FMNL2: variants seen among roughly 807,000 people sequenced by gnomAD.
FMNL2 encodes formin like 2, also known as formin-like protein 2.
Under a neutral mutation model 130.2 loss-of-function variants are expected in FMNL2, and 51 were observed. That is an observed-to-expected ratio of 0.39 (90% confidence interval 0.31 to 0.49). The LOEUF (loss-of-function observed/expected upper bound fraction) is 0.49, where lower values mean the gene tolerates loss of function less well. Among genes scored for constraint, FMNL2 ranks in the 20% least tolerant of loss-of-function variants. FMNL2 has a pLI of 0.85. For synonymous variants in FMNL2, 465 were observed against 467.1 expected (o/e 1.00, Z 0.06); for missense variants, 977 against 1,316.2 (o/e 0.74, Z 3.99).
chr2:152,584,653 CT>C (rs1299173868), intron 9 of FMNL2, among the ~76,000 whole-genome samples: 8 of 152,194 alleles, frequency 5.3e-5, no homozygotes, highest in Admixed American at 5.2e-4. Flanking sequence ...ATTTTTCCCC[CT>C]CTACCTCTTG....
chr2:152,464,474 C>A (rs974295607), intron 1 of FMNL2, among the ~76,000 whole-genome samples: 5 of 152,174 alleles, frequency 3.3e-5, no homozygotes, highest in African/African-American at 7.2e-5. Context: ...AATGTACCCC[C>A]CTGATGGACT....
intron 1 of FMNL2, among the ~76,000 whole-genome samples, chr2:152,387,729 C>CT (rs1264234235): frequency 6.6e-6 from 1 of 151,986 alleles, no homozygotes; most frequent in Admixed American, 6.6e-5. Context: ...TGATAGCTGA[C>CT]TGCAGCCTCA....
chr2:152,622,806 G>A (rs1202448912), intron 15 of FMNL2, among the ~76,000 whole-genome samples: 3 of 143,364 alleles, frequency 2.1e-5, no homozygotes, highest in Non-Finnish European at 3.0e-5. Flanking sequence ...TTTCCTCTGA[G>A]AAAAGGTTTT....
At chr2:152,371,195 TAACAC>T (rs1244984678) in intron 1 of FMNL2, among the ~76,000 whole-genome samples, 1 of 152,208 alleles carries the variant, frequency 6.6e-6, no homozygotes, top group Non-Finnish European at 1.5e-5. Flanking sequence ...ATTCTGCTGA[TAACAC>T]AAGTCAGCCC....
intron 13 of FMNL2, 111 bp downstream of exon 13, chr2:152,617,303 A>T: frequency 1.1e-6 from 1 of 949,882 alleles, no homozygotes; most frequent in East Asian, 2.5e-5. Flanking sequence ...TTGATGCAGC[A>T]TATTTATTGG....
At chr2:152,586,565 A>G (rs1313825118) in intron 9 of FMNL2, among the ~76,000 whole-genome samples, 1 of 152,168 alleles carries the variant, frequency 6.6e-6, no homozygotes, top group Non-Finnish European at 1.5e-5. Context: ...ATAACTTCCT[A>G]AGTGGTAAAG....
chr2:152,404,826 T>C (rs962848761), intron 1 of FMNL2, among the ~76,000 whole-genome samples: 3 of 152,154 alleles, frequency 2.0e-5, no homozygotes, highest in Admixed American at 2.0e-4. Flanking sequence ...TGGTCACATG[T>C]GGCATTTTCT....
chr2:152,477,728 G>A (rs1690234761), intron 1 of FMNL2, among the ~76,000 whole-genome samples: 1 of 152,132 alleles, frequency 6.6e-6, no homozygotes, highest in East Asian at 1.9e-4. Context: ...AGCGGGAGAT[G>A]GACATTGAGT....
At chr2:152,374,113 C>T (rs534268847) in intron 1 of FMNL2, among the ~76,000 whole-genome samples, 1 of 152,228 alleles carries the variant, frequency 6.6e-6, no homozygotes, top group Non-Finnish European at 1.5e-5. Context: ...TAGGAAACAT[C>T]TCAGTTATGT....
intron 9 of FMNL2, among the ~76,000 whole-genome samples, chr2:152,591,911 G>C (rs1697466088): frequency 6.6e-6 from 1 of 152,132 alleles, no homozygotes; most frequent in Non-Finnish European, 1.5e-5. Context: ...AGACCATCTT[G>C]GCCAACGTGG....
chr2:152,589,981 A>ATG (rs1174507707), intron 9 of FMNL2, among the ~76,000 whole-genome samples: 62 of 42,444 alleles, frequency 1.5e-3, no homozygotes, highest in African/African-American at 6.1e-3. Flanking sequence ...ATATATATAT[A>ATG]TATGTATATG....
intron 1 of FMNL2, among the ~76,000 whole-genome samples, chr2:152,386,017 C>T (rs1440086444): frequency 6.6e-6 from 1 of 152,210 alleles, no homozygotes; most frequent in Non-Finnish European, 1.5e-5. Flanking sequence ...CAGACAACAT[C>T]TGTGCTTCTG....
intron 1 of FMNL2, among the ~76,000 whole-genome samples, chr2:152,387,415 G>C (rs187039369): frequency 6.6e-6 from 1 of 152,314 alleles, no homozygotes; most frequent in African/African-American, 2.4e-5. Context: ...TGAGTACGGA[G>C]TGTGATTAGA....
chr2:152,562,292 A>G (rs925782743), intron 6 of FMNL2, among the ~76,000 whole-genome samples: 1 of 152,030 alleles, frequency 6.6e-6, no homozygotes, highest in African/African-American at 2.4e-5. Context: ...AAGTGTTTCT[A>G]TCTTATTTCA....
chr2:152,468,040 T>C (rs1452793697), intron 1 of FMNL2, among the ~76,000 whole-genome samples: 3 of 152,226 alleles, frequency 2.0e-5, no homozygotes, highest in Non-Finnish European at 4.4e-5. Context: ...CATTTCTAAA[T>C]CACTGCTCCT....
At chr2:152,385,464 C>A (rs937045976) in intron 1 of FMNL2, among the ~76,000 whole-genome samples, 1 of 152,142 alleles carries the variant, frequency 6.6e-6, no homozygotes, top group African/African-American at 2.4e-5. Flanking sequence ...TTTAGGAGGA[C>A]CTTGCTGAGA....
At position 152,547,464 on chromosome 2, in the gene FMNL2, C is replaced by T. The variant is rs546485216; in HGVS notation, c.283-1557C>T. Among the ~76,000 whole-genome samples, 3 of 152,280 alleles carry T rather than the reference C, an allele frequency of 2.0e-5. No individual in the cohort carries two copies. The East Asian group carries it at 5.8e-4, about 29-fold the overall frequency. On this transcript the variant is annotated intron_variant, in intron 3 of 25. Coordinates refer to ENST00000288670, the MANE Select transcript of FMNL2 (RefSeq NM_052905.4). ...CTGGATTCTGGAAACCTGACATGGT[C>T]TTTTTAGATTGTCTTGGGAATGGCA...
chr2:152,555,922 G>A (rs1297799562), intron 4 of FMNL2, among the ~76,000 whole-genome samples: 1 of 152,210 alleles, frequency 6.6e-6, no homozygotes, highest in Non-Finnish European at 1.5e-5. Context: ...TATAGTCCTT[G>A]CATGATCATT....
chr2:152,489,148 T>C (rs1164081115), intron 1 of FMNL2, among the ~76,000 whole-genome samples: 1 of 151,802 alleles, frequency 6.6e-6, no homozygotes, highest in Non-Finnish European at 1.5e-5. Flanking sequence ...GCTAAACCCA[T>C]GAGAAGAGTG....
Sources: allele counts gnomAD v4.1 joint callset (sites outside exome capture counted in the v4.1 genomes callset), GRCh38; gene constraint gnomAD v4.1.1; transcripts MANE v1.5; gene names NCBI Gene and HGNC (gene_info 2026-07-23, HGNC 2026-07-21).